Variants in ATP8A2 observed in about 807,000 individuals in gnomAD.
ATP8A2 encodes the protein phospholipid-transporting ATPase IB.
A neutral mutation model predicts 165.6 loss-of-function variants in ATP8A2; 100 were observed. That is an observed-to-expected ratio of 0.60 (90% CI 0.51 to 0.71). The LOEUF (loss-of-function observed/expected upper bound fraction) is 0.71. ATP8A2 is among the 30% of genes least tolerant of loss of function. The probability of loss-of-function intolerance (pLI) is 0.00; values close to 1 mark genes in which losing one functional copy is unlikely to be tolerated. For synonymous variants in ATP8A2, 543 were observed against 548.8 expected (o/e 0.99, Z 0.15); for missense variants, 1,227 against 1,479.5 (o/e 0.83, Z 2.80).
chr13:25,905,848 C>G (rs947313326), intron 33 of ATP8A2, among the ~76,000 whole-genome samples: 26 of 152,198 alleles, frequency 1.7e-4, no homozygotes, highest in African/African-American at 5.8e-4. Flanking sequence ...TGAGGGCTAT[C>G]AAACCATAAA....
At chr13:25,522,602 G>A (rs2037705400) in intron 2 of ATP8A2, among the ~76,000 whole-genome samples, 1 of 151,864 alleles carries the variant, frequency 6.6e-6, no homozygotes, top group Non-Finnish European at 1.5e-5. Context: ...AGTTTGTTGA[G>A]GATCTTTATC....
In ATP8A2 at chr13:25,966,874, G is replaced by A. The variant is rs77585107; in HGVS notation, c.3273-1701G>A. On this transcript the variant is annotated intron_variant, in intron 34 of 36. Coordinates refer to ENST00000381655, the MANE Select transcript of ATP8A2 (RefSeq NM_016529.6). ...TCCTCCCAGCCTGGGAAATAACAATGGGGTCTGTTCTACCCCTGTGCAGGG... is the reference window on the plus strand; with the variant it reads ...TCCTCCCAGCCTGGGAAATAACAATAGGGTCTGTTCTACCCCTGTGCAGGG... 1.8e-3 allele frequency among the ~76,000 whole-genome samples: 271 copies of A among 152,338 alleles called. 5 individuals carry two copies. In the East Asian group the frequency reaches 0.024, roughly 13 times the overall value.
At chr13:25,893,542 T>C (rs1014090958) in intron 33 of ATP8A2, among the ~76,000 whole-genome samples, 2 of 151,790 alleles carry the variant, frequency 1.3e-5, no homozygotes, top group African/African-American at 4.8e-5. Context: ...GCAGCATGAT[T>C]TATAATCCTT....
intron 2 of ATP8A2, among the ~76,000 whole-genome samples, chr13:25,472,461 C>A (rs973796922): frequency 1.3e-5 from 2 of 151,266 alleles, no homozygotes; most frequent in Non-Finnish European, 2.9e-5. Context: ...GAGAAAACGT[C>A]GAGCCATATT....
In ATP8A2 at chr13:25,805,032, T is replaced by C. The variant is rs376383719; in HGVS notation, c.2680-23086T>C. ...AACATTCAGTTGCCAGCTTCTGTTTTCTTGGTCATTAATTTTCAGTCTATG... is the reference window on the plus strand; with the variant it reads ...AACATTCAGTTGCCAGCTTCTGTTTCCTTGGTCATTAATTTTCAGTCTATG... On this transcript the variant is annotated intron_variant, in intron 27 of 36. Coordinates refer to ENST00000381655, the MANE Select transcript of ATP8A2 (RefSeq NM_016529.6). Among the ~76,000 whole-genome samples the C allele has an allele frequency of 1.2e-4, 19 of 152,344 alleles. 1 individual carries two copies. The South Asian group carries it at 3.1e-3, about 25-fold the overall frequency.
intron 25 of ATP8A2, among the ~76,000 whole-genome samples, chr13:25,742,680 T>TA (rs2043941934): frequency 1.6e-5 from 1 of 61,128 alleles, no homozygotes; most frequent in Non-Finnish European, 3.8e-5. Context: ...TCTCTCTCTG[T>TA]CTTTTTTTTT....
intron 1 of ATP8A2, among the ~76,000 whole-genome samples, chr13:25,410,875 C>G (rs1354587395): frequency 6.6e-6 from 1 of 152,202 alleles, no homozygotes; most frequent in Non-Finnish European, 1.5e-5. Flanking sequence ...AGGCCTGCAG[C>G]CTGCTTCCAA....
Position 25,540,662 on chromosome 13 carries a change from C to T in ATP8A2, c.651+274C>T, listed in dbSNP as rs370365204. Among the ~76,000 whole-genome samples, 43 of 152,014 alleles carry T rather than the reference C, an allele frequency of 2.8e-4. 2 individuals are homozygous for T. Among genetic ancestry groups the T allele is most frequent in the Admixed American group, 2.5e-3 (38 of 15,258 alleles). ...GTGATGCTGGAGAGAGGGGACATCT[C>T]GATGAAGCTGAGTGGCTGGGAAGGA... is the stretch of plus-strand genomic sequence containing the variant. On this transcript the variant is annotated intron_variant, in intron 8 of 36. Transcript: ENST00000381655.
At chr13:25,606,098 G>T (rs1284247296) in intron 24 of ATP8A2, among the ~76,000 whole-genome samples, 10 of 152,194 alleles carry the variant, frequency 6.6e-5, no homozygotes. Flanking sequence ...TATTTTCTCA[G>T]TGTTGTTTGT....
At chr13:25,798,208 A>C (rs763619956) in intron 27 of ATP8A2, among the ~76,000 whole-genome samples, 5 of 152,212 alleles carry the variant, frequency 3.3e-5, no homozygotes, top group Non-Finnish European at 7.3e-5. Context: ...AATCAGACCA[A>C]GTTTGTTTCA....
At chr13:25,971,094 TAGTCCC>T (rs1029804925) in intron 35 of ATP8A2, among the ~76,000 whole-genome samples, 5 of 152,100 alleles carry the variant, frequency 3.3e-5, no homozygotes, top group Admixed American at 6.5e-5. Context: ...CCTTTTCTTC[TAGTCCC>T]AGCATCTTGC....
At chr13:25,836,032 A>G (rs185620909) in intron 28 of ATP8A2, among the ~76,000 whole-genome samples, 132 of 152,326 alleles carry the variant, frequency 8.7e-4, no homozygotes, top group African/African-American at 2.5e-3. Context: ...ACAGAAGTAG[A>G]ACAAAAAGTG....
chr13:25,677,604 A>C (rs77542026), intron 24 of ATP8A2, among the ~76,000 whole-genome samples: 4,749 of 152,158 alleles, frequency 0.031, 117 homozygotes, highest in Admixed American at 0.062. Flanking sequence ...ATGTGTGAAC[A>C]TGAAGATTAA....
intron 6 of ATP8A2, among the ~76,000 whole-genome samples, chr13:25,537,784 C>G (rs892519381): frequency 6.6e-6 from 1 of 151,962 alleles, no homozygotes; most frequent in African/African-American, 2.4e-5. Flanking sequence ...AACATCATTG[C>G]AAAAAAAGGC....
At chr13:25,570,611 C>T (rs571117333) in intron 16 of ATP8A2, among the ~76,000 whole-genome samples, 156 bp from the exon 17 acceptor site, 3 of 152,088 alleles carry the variant, frequency 2.0e-5, no homozygotes, top group Non-Finnish European at 4.4e-5. Context: ...CAGACCAGAG[C>T]GGTAGGAGGG....
At chr13:25,962,344 ATTC>A (rs1464202931) in intron 34 of ATP8A2, among the ~76,000 whole-genome samples, 1 of 152,204 alleles carries the variant, frequency 6.6e-6, no homozygotes, top group East Asian at 1.9e-4. Context: ...TTTCAGTAAA[ATTC>A]TTCTAGAGGA....
intron 28 of ATP8A2, among the ~76,000 whole-genome samples, chr13:25,829,674 A>G (rs1267243368): frequency 5.2e-3 from 72 of 13,740 alleles, no homozygotes; most frequent in African/African-American, 0.019. Flanking sequence ...TGTGGTATAT[A>G]TATATATATA....
At chr13:25,451,999 C>T (rs542777305) in intron 1 of ATP8A2, among the ~76,000 whole-genome samples, 5 of 152,016 alleles carry the variant, frequency 3.3e-5, no homozygotes, top group African/African-American at 4.8e-5. Flanking sequence ...GGATTACAGG[C>T]GCCTGCCACC....
At chr13:25,659,406 G>A (rs1341737595) in intron 24 of ATP8A2, among the ~76,000 whole-genome samples, 1 of 152,158 alleles carries the variant, frequency 6.6e-6, no homozygotes, top group Non-Finnish European at 1.5e-5. Context: ...CATGCCAGGC[G>A]CCTTTCAATG....
Sources: allele counts gnomAD v4.1 joint callset (sites outside exome capture counted in the v4.1 genomes callset), GRCh38; gene constraint gnomAD v4.1.1; transcripts MANE v1.5; gene names NCBI Gene and HGNC (gene_info 2026-07-23, HGNC 2026-07-21).